The following BOC variants were observed in gnomAD, a reference collection of about 807,000 sequenced individuals.
The protein encoded by BOC is BOC cell adhesion associated, oncogene regulated, also known as brother of CDO.
A neutral mutation model predicts 112.0 loss-of-function variants in BOC; 76 were observed. The ratio of observed to expected loss-of-function variants is 0.68; its 90% CI spans 0.56 to 0.82. The LOEUF is 0.82. Ranked by LOEUF, BOC falls within the 40% of genes least tolerant of loss-of-function variation. The pLI, the probability that BOC is intolerant of heterozygous loss-of-function variation, is 0.00. For synonymous variants in BOC, 580 were observed against 599.8 expected (o/e 0.97, Z 0.48); for missense variants, 1,309 against 1,511.7 (o/e 0.87, Z 2.22).
intron 2 of BOC, among the ~76,000 whole-genome samples, chr3:113,230,003 G>A (rs1454880751): frequency 6.6e-6 from 1 of 152,174 alleles, no homozygotes. Context: ...GTGCTGCCCA[G>A]GCATTGTTAT....
chr3:113,240,986 C>T (rs1358727011), intron 2 of BOC, among the ~76,000 whole-genome samples: 1 of 152,246 alleles, frequency 6.6e-6, no homozygotes, highest in Non-Finnish European at 1.5e-5. Flanking sequence ...TCAGCCAGAG[C>T]CAGATGAACC....
intron 6 of BOC, chr3:113,271,412 C>T (rs1019910614): frequency 1.4e-4 from 48 of 345,248 alleles, no homozygotes; most frequent in Non-Finnish European, 2.1e-4. Context: ...GGTGAGCTTC[C>T]GGGAGGCCCA....
intron 6 of BOC, chr3:113,271,996 T>G: frequency 4.8e-6 from 1 of 209,406 alleles, no homozygotes; most frequent in Non-Finnish European, 9.7e-6. Context: ...AACCATAGGG[T>G]GGGGTTGAGA....
intron 8 of BOC, among the ~76,000 whole-genome samples, chr3:113,273,587 T>G (rs1948368244): frequency 6.6e-6 from 1 of 152,210 alleles, no homozygotes; most frequent in Non-Finnish European, 1.5e-5. Context: ...ACTCTAGTGC[T>G]TTGGTAAAGA....
At chr3:113,280,288 C>T (rs1379826824) in intron 13 of BOC, among the ~76,000 whole-genome samples, 3 of 152,014 alleles carry the variant, frequency 2.0e-5, no homozygotes, top group East Asian at 1.9e-4. Flanking sequence ...CTCACATGTC[C>T]AGGGAGATCA....
At position 113,249,880 on chromosome 3, in the gene BOC, A is replaced by C. The variant is rs776004548; in HGVS notation, c.78A>C (p.Ala26=). The C allele has an allele frequency of 2.5e-5, 40 of 1,613,698 alleles. No individual in the cohort carries two copies. The highest frequency in any genetic ancestry group is 6.6e-5 in the South Asian group (6 of 91,028). ...VTLACLLLAT[A]GCFADLNEVP... ...TGGCTTGCCTCCTCCTAGCCACAGC[A>C]GGCTGCTTTGCTGACTTGAGTGAGT... The change falls in exon 3 of 20, where the codon GCA becomes GCC. Residue 26 remains alanine, a synonymous_variant. Coordinates refer to ENST00000682979, the MANE Select transcript of BOC (RefSeq NM_001378074.1).
intron 2 of BOC, among the ~76,000 whole-genome samples, chr3:113,249,361 A>G (rs1945329241): frequency 6.6e-6 from 1 of 152,228 alleles, no homozygotes; most frequent in Non-Finnish European, 1.5e-5. Context: ...CATCTGTTCT[A>G]GCATCTGTGC....
At chr3:113,221,143 T>C (rs1372922218) in intron 2 of BOC, among the ~76,000 whole-genome samples, 1 of 152,136 alleles carries the variant, frequency 6.6e-6, no homozygotes, top group East Asian at 1.9e-4. Context: ...ACCAGTTTCT[T>C]AGGGTTATTG....
Position 113,278,183 on chromosome 3 carries a change from G to A in BOC, c.1631G>A (p.Ser544Asn), listed in dbSNP as rs1388583887. 2 of 1,614,112 alleles carry A rather than the reference G, an allele frequency of 1.2e-6. No individual in the cohort carries two copies. The highest frequency in any genetic ancestry group is 1.7e-6 in the Non-Finnish European group (2 of 1,180,054). ...RLTLTRLDPG[S>N]LYEVEMAAYN... ...ACCCTCACCAGACTTGACCCCGGGA[G>A]CTTGTATGAAGTGGAGATGGCAGCT... The change falls in exon 10 of 20, where the codon AGC becomes AAC. Residue 544 changes from serine to asparagine, a missense_variant. By Grantham distance (46) the Ser-to-Asn change is conservative. Coordinates refer to ENST00000682979, the MANE Select transcript of BOC (RefSeq NM_001378074.1). The surrounding 1 kb of genome is among the most constrained non-coding windows in gnomAD (Gnocchi z 4.2).
At chr3:113,221,715 A>G (rs565499180) in intron 2 of BOC, among the ~76,000 whole-genome samples, 1 of 152,348 alleles carries the variant, frequency 6.6e-6, no homozygotes, top group South Asian at 2.1e-4. Flanking sequence ...CCCATTCTTC[A>G]TAGAAAAATC....
At chr3:113,271,375 G>A in intron 6 of BOC, 1 of 376,574 alleles carries the variant, frequency 2.7e-6, no homozygotes, top group Non-Finnish European at 5.3e-6. Context: ...TCTCTGCACT[G>A]ATGAGGTGTG....
At chr3:113,279,792 C>T (rs766576452) in intron 12 of BOC, 32 bp from the exon 13 acceptor site, 9 of 1,567,896 alleles carry the variant, frequency 5.7e-6, no homozygotes, top group African/African-American at 1.4e-5. Context: ...TATTTCCCAG[C>T]TCCTGAGTTC....
chr3:113,218,710 C>T (rs1056975503), intron 2 of BOC, among the ~76,000 whole-genome samples: 3 of 152,260 alleles, frequency 2.0e-5, no homozygotes, highest in Non-Finnish European at 4.4e-5. Context: ...TAATCACCTG[C>T]AACCCTGCCT....
At chr3:113,222,431 A>T (rs926989941) in intron 2 of BOC, among the ~76,000 whole-genome samples, 1 of 152,188 alleles carries the variant, frequency 6.6e-6, no homozygotes, top group African/African-American at 2.4e-5. Flanking sequence ...ATGGGGGGAA[A>T]ATAGGAGAGA....
At chr3:113,241,935 T>C (rs1944357412) in intron 2 of BOC, among the ~76,000 whole-genome samples, 1 of 151,612 alleles carries the variant, frequency 6.6e-6, no homozygotes, top group Non-Finnish European at 1.5e-5. Context: ...AGGAGGAGGC[T>C]GGAGGCAGGG....
chr3:113,255,045 TG>T (rs1433658119), intron 4 of BOC, among the ~76,000 whole-genome samples: 2 of 152,206 alleles, frequency 1.3e-5, no homozygotes, highest in Non-Finnish European at 2.9e-5. Context: ...CTGCATGCTC[TG>T]TGGAGGTGCC....
At chr3:113,281,217 T>C in intron 15 of BOC, 64 bp downstream of exon 15, 6 of 1,590,934 alleles carry the variant, frequency 3.8e-6, no homozygotes, top group South Asian at 3.4e-5. Flanking sequence ...AGAGTCACCA[T>C]TCCCTGTGCC....
At chr3:113,285,253 C>A in intron 18 of BOC, 119 bp from the exon 19 acceptor site, 1 of 910,380 alleles carries the variant, frequency 1.1e-6, no homozygotes, top group Admixed American at 2.0e-5. Flanking sequence ...GCAGTCCTTG[C>A]CCCATCTGAG....
intron 4 of BOC, among the ~76,000 whole-genome samples, chr3:113,259,209 C>A (rs1946548680): frequency 6.6e-6 from 1 of 152,208 alleles, no homozygotes. Context: ...GTTCATAGTG[C>A]ATCTTCTACC....
Sources: gnomAD v4.1 joint callset for allele counts (sites outside exome capture counted in the v4.1 genomes callset) on GRCh38, gnomAD v4.1.1 for gene constraint, Gnocchi (gnomAD v3.1) non-coding constraint, MANE v1.5 for transcripts, NCBI Gene and HGNC (gene_info 2026-07-23, HGNC 2026-07-21) for gene names.